G3BP1: variants seen among roughly 807,000 people sequenced by gnomAD.
G3BP1 encodes the protein ras GTPase-activating protein-binding protein 1.
In G3BP1, 35 loss-of-function variants were observed where a neutral mutation model predicts 58.6. That is an observed-to-expected ratio of 0.60 (90% CI 0.46 to 0.79). The LOEUF (loss-of-function observed/expected upper bound fraction) is 0.79, where lower values mean the gene tolerates loss of function less well. Ranked by LOEUF, G3BP1 falls within the 30% of genes least tolerant of loss-of-function variation. The pLI is 0.00. For synonymous variants in G3BP1, 191 were observed against 195.4 expected (o/e 0.98, Z 0.19); for missense variants, 523 against 580.8 (o/e 0.90, Z 1.02).
chr5:151,799,336 A>C (rs1762808755), intron 8 of G3BP1, 23 bp downstream of exon 8: 1 of 1,157,300 alleles, frequency 8.6e-7, no homozygotes, highest in African/African-American at 1.5e-5. Flanking sequence ...TAAAACTTGT[A>C]CATTAGGCAA....
chr5:151,795,482 C>G lies in G3BP1; in HGVS notation c.446C>G (p.Ser149Cys). Residue 149 changes from serine to cysteine, a missense_variant, in exon 6 of 12, where the codon TCT becomes TGT. This residue lies in a region of G3BP1 where 398 missense variants were observed against 399.1 expected (regional missense o/e 1.00). Coordinates refer to ENST00000356245, the MANE Select transcript of G3BP1 (RefSeq NM_005754.3). ...TAAATATCTTTTTCTCACTTAGAGT[C>G]TGAAGAAGAAGTAGAGGAACCTGAA... The part of the protein sequence containing the change: ...GGFVTEPQEE[S>C]EEEVEEPEER... 6.6e-7 allele frequency: 1 copy of G among 1,523,670 alleles called. No individual in the cohort carries two copies. Among genetic ancestry groups the G allele is most frequent in the Non-Finnish European group, 9.1e-7 (1 of 1,100,318 alleles). 94.4% of individuals were successfully genotyped at this position (1,523,670 alleles called of 1,614,324 possible).
intron 11 of G3BP1, among the ~76,000 whole-genome samples, chr5:151,801,585 A>G (rs952662104): frequency 6.6e-6 from 1 of 152,208 alleles, no homozygotes; most frequent in South Asian, 2.1e-4. Context: ...TTTAGAACAC[A>G]TTATTGTGCA....
chr5:151,773,986 G>A (rs72800291), intron 1 of G3BP1, among the ~76,000 whole-genome samples: 5,215 of 152,264 alleles, frequency 0.034, 131 homozygotes, highest in South Asian at 0.076. Flanking sequence ...CTTGGCCTCA[G>A]GCAAATGGTT....
At chr5:151,795,954 T>C (rs949812111) in intron 6 of G3BP1, among the ~76,000 whole-genome samples, 4 of 152,220 alleles carry the variant, frequency 2.6e-5, no homozygotes, top group African/African-American at 9.6e-5. Flanking sequence ...TAAATTGATA[T>C]AAATACCAAT....
chr5:151,788,568 T>TTG (rs1484426603), intron 2 of G3BP1, among the ~76,000 whole-genome samples: 6 of 67,518 alleles, frequency 8.9e-5, no homozygotes, highest in South Asian at 7.2e-4. Context: ...CCAGCTAAGT[T>TTG]TATATGTGTG....
intron 1 of G3BP1, among the ~76,000 whole-genome samples, chr5:151,782,831 G>GTCTTT (rs1762490688): frequency 7.3e-6 from 1 of 137,888 alleles, no homozygotes; most frequent in South Asian, 2.4e-4. Context: ...GCAAAACACT[G>GTCTTT]TCTTTTCTGT....
Position 151,792,503 on chromosome 5 carries a change from GT to G in G3BP1, c.351+1448del, listed in dbSNP as rs923956759. On this transcript the variant is annotated intron_variant, in intron 4 of 11. Coordinates refer to ENST00000356245, the MANE Select transcript of G3BP1 (RefSeq NM_005754.3). ...ATTGTGAATTACAGGTTTAATTACAGTTTTTTTCTTTTAAAGGAAGTATCTA... is the reference window on the plus strand; with the variant it reads ...ATTGTGAATTACAGGTTTAATTACAGTTTTTTCTTTTAAAGGAAGTATCTA... Among the ~76,000 whole-genome samples the G allele has an allele frequency of 1.7e-3, 257 of 152,258 alleles. 4 individuals are homozygous for G. The highest frequency in any genetic ancestry group is 5.7e-3 in the African/African-American group (238 of 41,534).
At chr5:151,789,538 C>G (rs550543339) in intron 2 of G3BP1, among the ~76,000 whole-genome samples, 1 of 152,324 alleles carries the variant, frequency 6.6e-6, no homozygotes, top group South Asian at 2.1e-4. Context: ...CTTTGACATT[C>G]TTAATTGCAT....
chr5:151,786,565 C>A lies in G3BP1; in HGVS notation c.-49-7C>A. The A allele has an allele frequency of 2.8e-6, 3 of 1,071,576 alleles. No individual in the cohort carries two copies. Among genetic ancestry groups the A allele is most frequent in the Non-Finnish European group, 4.4e-6 (3 of 686,596 alleles). The allele number at this position is 1,071,576 out of a possible 1,614,324, so 66.4% of individuals were successfully genotyped here. ...TTCGGTCTTTTCCCCTGTGTTTGAT[C>A]CTTCAGGTTTGGACATATTTGACTC... On this transcript the variant is annotated splice_polypyrimidine_tract_variant and splice_region_variant and intron_variant, in intron 1 of 11. Transcript: ENST00000356245.
intron 1 of G3BP1, among the ~76,000 whole-genome samples, chr5:151,778,065 T>C (rs1762402923): frequency 6.6e-6 from 1 of 152,212 alleles, no homozygotes; most frequent in African/African-American, 2.4e-5. Context: ...CTGAACTTTG[T>C]GTACAAGTCT....
chr5:151,772,757 G>C (rs1561528524), intron 1 of G3BP1: 1 of 152,276 alleles, frequency 6.6e-6, no homozygotes, highest in Non-Finnish European at 1.5e-5. Context: ...GCGGGGATTT[G>C]TTGACGCCGG....
chr5:151,779,545 T>C (rs1762431676), intron 1 of G3BP1, among the ~76,000 whole-genome samples: 1 of 152,266 alleles, frequency 6.6e-6, no homozygotes, highest in Non-Finnish European at 1.5e-5. Flanking sequence ...TGTATCTATG[T>C]ACGGTATCTG....
chr5:151,800,166 A>G, intron 9 of G3BP1, 52 bp from the exon 10 acceptor site: 2 of 1,584,218 alleles, frequency 1.3e-6, no homozygotes, highest in Non-Finnish European at 8.6e-7. Context: ...GCAGTCATTG[A>G]AAGATGTCTT....
chr5:151,773,785 AACTTAG>A (rs1018341883), intron 1 of G3BP1, among the ~76,000 whole-genome samples: 15 of 152,194 alleles, frequency 9.9e-5, no homozygotes, highest in African/African-American at 3.6e-4. Flanking sequence ...TTAGCATTTT[AACTTAG>A]ACTTAAAGTT....
intron 2 of G3BP1, among the ~76,000 whole-genome samples, chr5:151,788,191 G>A (rs1762583529): frequency 6.6e-6 from 1 of 151,758 alleles, no homozygotes; most frequent in African/African-American, 2.4e-5. Flanking sequence ...TGGGATTACA[G>A]GTGTAATTGG....
chr5:151,784,173 G>A (rs2113224845), intron 1 of G3BP1, among the ~76,000 whole-genome samples: 1 of 152,250 alleles, frequency 6.6e-6, no homozygotes, highest in East Asian at 1.9e-4. Flanking sequence ...ATAGCTCACT[G>A]CAGCCTCAAA....
At chr5:151,802,715 C>T (rs562562913) in intron 11 of G3BP1, among the ~76,000 whole-genome samples, 5 of 152,258 alleles carry the variant, frequency 3.3e-5, no homozygotes, top group Non-Finnish European at 4.4e-5. Context: ...GGGCGGATCA[C>T]GAGGTCAGGA....
At chr5:151,781,762 T>TA (rs1247875421) in intron 1 of G3BP1, among the ~76,000 whole-genome samples, 1 of 152,252 alleles carries the variant, frequency 6.6e-6, no homozygotes, top group Non-Finnish European at 1.5e-5. Context: ...CTTATTTTCT[T>TA]TAGCTTTATT....
Position 151,804,248 on chromosome 5 carries a change from C to A in G3BP1, c.*157C>A. The A allele has an allele frequency of 2.2e-6, 1 of 451,962 alleles. No individual in the cohort carries two copies. The highest frequency in any genetic ancestry group is 3.9e-6 in the Non-Finnish European group (1 of 256,132). 28.0% of individuals were successfully genotyped at this position (451,962 alleles called of 1,614,324 possible). A position where few individuals can be genotyped will look rare whatever the true frequency, so the allele number is the denominator to read the frequency against. On this transcript the variant is annotated 3_prime_UTR_variant, in exon 12 of 12. Transcript: ENST00000356245. ...TTTTGTGTGTTAATGGTGTGTGCTC[C>A]CTCTCCCTCTCTTCCCTTTCCTGAC... is the stretch of plus-strand genomic sequence containing the variant.
Sources: gnomAD v4.1 joint callset for allele counts (sites outside exome capture counted in the v4.1 genomes callset) on GRCh38, gnomAD v4.1.1 for gene constraint, gnomAD v4.1.1 regional missense constraint, MANE v1.5 for transcripts, NCBI Gene and HGNC (gene_info 2026-07-23, HGNC 2026-07-21) for gene names.